CDH12: variants seen among roughly 807,000 people sequenced by gnomAD.
CDH12 encodes cadherin 12.
CDH12 carries 41 observed loss-of-function variants against 74.1 expected under a neutral mutation model. That is an observed-to-expected ratio of 0.55 (90% confidence interval 0.43 to 0.72). The LOEUF (loss-of-function observed/expected upper bound fraction) is 0.72, where lower values mean the gene tolerates loss of function less well. CDH12 is among the 30% of genes least tolerant of loss of function. The probability of loss-of-function intolerance (pLI) is 0.00; values close to 1 mark genes in which losing one functional copy is unlikely to be tolerated. For missense variants in CDH12, 945 were observed against 977.2 expected (o/e 0.97, Z 0.44); for synonymous variants, 399 against 355.0 (o/e 1.12, Z -1.39).
chr5:21,958,104 TC>T (rs1317596965), intron 6 of CDH12, among the ~76,000 whole-genome samples: 1 of 152,176 alleles, frequency 6.6e-6, no homozygotes, highest in African/African-American at 2.4e-5. Flanking sequence ...GAGGGGCTCT[TC>T]CCAGCTTTGC....
chr5:22,445,566 C>G (rs1013392966), intron 2 of CDH12, among the ~76,000 whole-genome samples: 4 of 152,082 alleles, frequency 2.6e-5, no homozygotes, highest in Non-Finnish European at 5.9e-5. Flanking sequence ...AAATAATATA[C>G]CTAGTCCTGT....
At chr5:22,272,653 A>T (rs971343535) in intron 3 of CDH12, among the ~76,000 whole-genome samples, 13 of 152,104 alleles carry the variant, frequency 8.5e-5, no homozygotes, top group Non-Finnish European at 1.8e-4. Flanking sequence ...AGGGTTATTA[A>T]TTGGCCTCAT....
At chr5:22,507,290 A>T (rs1310622020) in intron 1 of CDH12, among the ~76,000 whole-genome samples, 1 of 152,130 alleles carries the variant, frequency 6.6e-6, no homozygotes, top group African/African-American at 2.4e-5. Flanking sequence ...ATGTTTTCAT[A>T]TAATTCATTT....
chr5:21,949,688 A>C (rs1196773914), intron 6 of CDH12, among the ~76,000 whole-genome samples: 1 of 152,176 alleles, frequency 6.6e-6, no homozygotes, highest in African/African-American at 2.4e-5. Context: ...TAACAACAAC[A>C]ACAAAAAAAT....
rs138534211 is a variant in CDH12 at position 22,056,623 on chromosome 5, A to G, written c.231+21823T>C. Among the ~76,000 whole-genome samples, 594 of 152,298 alleles carry G rather than the reference A, an allele frequency of 3.9e-3. 5 individuals carry two copies. Among genetic ancestry groups the G allele is most frequent in the Non-Finnish European group, 6.3e-3 (426 of 68,022 alleles). ...AACGTGCAGTCTGGTAAATCTAGAG[A>G]TCTTTCTGTGAAGCGCAAATCCCTA... On this transcript the variant is annotated intron_variant, in intron 5 of 14. Coordinates refer to ENST00000382254, the MANE Select transcript of CDH12 (RefSeq NM_004061.5).
At chr5:22,761,326 A>G (rs932853264) in intron 1 of CDH12, among the ~76,000 whole-genome samples, 3 of 152,152 alleles carry the variant, frequency 2.0e-5, no homozygotes, top group Non-Finnish European at 4.4e-5. Context: ...ATTTCTTTTA[A>G]ATCTTTATGA....
At chr5:22,706,032 T>C (rs1742990181) in intron 1 of CDH12, among the ~76,000 whole-genome samples, 2 of 152,092 alleles carry the variant, frequency 1.3e-5, no homozygotes, top group Non-Finnish European at 2.9e-5. Context: ...TGGAGAGGTT[T>C]CAGAGAGTGA....
At chr5:22,571,389 T>C (rs967934291) in intron 1 of CDH12, among the ~76,000 whole-genome samples, 8 of 152,106 alleles carry the variant, frequency 5.3e-5, no homozygotes, top group African/African-American at 1.9e-4. Flanking sequence ...CGCAAAGGTG[T>C]GATCTTGGCT....
intron 8 of CDH12, among the ~76,000 whole-genome samples, chr5:21,838,878 T>C (rs1749685630): frequency 6.6e-6 from 1 of 152,196 alleles, no homozygotes; most frequent in African/African-American, 2.4e-5. Context: ...CCAGCCTTCA[T>C]CCATACCCAC....
chr5:21,996,105 GTTTTTTTTTTTTTTT>G (rs61516659), intron 5 of CDH12, among the ~76,000 whole-genome samples: 39,001 of 113,788 alleles, frequency 0.34, 8,302 homozygotes, highest in African/African-American at 0.63. Flanking sequence ...TCACACACAC[GTTTTTTTTTTTTTTT>G]TTTTTTTTTT....
chr5:21,881,436 A>G (rs527906848), intron 6 of CDH12, among the ~76,000 whole-genome samples: 6 of 152,308 alleles, frequency 3.9e-5, no homozygotes, highest in Admixed American at 6.5e-5. Flanking sequence ...CTTTTAGTTA[A>G]GTGGTGGAGC....
At chr5:22,813,963 T>C (rs1225724618) in intron 1 of CDH12, among the ~76,000 whole-genome samples, 1 of 152,158 alleles carries the variant, frequency 6.6e-6, no homozygotes, top group Admixed American at 6.5e-5. Context: ...TTTTTTAACA[T>C]GCTAAGTCCA....
chr5:22,081,153 T>A (rs370864691), intron 4 of CDH12, among the ~76,000 whole-genome samples: 2 of 152,138 alleles, frequency 1.3e-5, no homozygotes, highest in East Asian at 3.9e-4. Context: ...TTTGAATTAT[T>A]TTCAATTGGA....
chr5:22,414,659 T>C (rs1197445845), intron 2 of CDH12, among the ~76,000 whole-genome samples: 1 of 151,890 alleles, frequency 6.6e-6, no homozygotes, highest in Non-Finnish European at 1.5e-5. Context: ...ACCTTTGCTA[T>C]GGTAATTTTA....
chr5:21,769,299 G>GA, intron 11 of CDH12, among the ~76,000 whole-genome samples: 1 of 152,084 alleles, frequency 6.6e-6, no homozygotes, highest in African/African-American at 2.4e-5. Flanking sequence ...TATCCAGATG[G>GA]AAAGAAAGAA....
At chr5:22,089,156 A>C (rs778455997) in intron 4 of CDH12, among the ~76,000 whole-genome samples, 34 of 152,218 alleles carry the variant, frequency 2.2e-4, no homozygotes, top group Non-Finnish European at 4.4e-4. Context: ...GCAGAGGCTG[A>C]AAACTGTGGG....
intron 6 of CDH12, among the ~76,000 whole-genome samples, chr5:21,939,491 T>G (rs947856826): frequency 7.9e-5 from 12 of 151,972 alleles, no homozygotes; most frequent in Non-Finnish European, 1.3e-4. Flanking sequence ...TTTCTTTTAT[T>G]TAAAAAATAC....
At chr5:21,822,086 C>T (rs538543746) in intron 8 of CDH12, among the ~76,000 whole-genome samples, 4 of 151,938 alleles carry the variant, frequency 2.6e-5, no homozygotes, top group East Asian at 1.9e-4. Context: ...TTTTCCTGAT[C>T]GTTTAAAATA....
intron 1 of CDH12, among the ~76,000 whole-genome samples, chr5:22,549,785 G>A (rs2126731765): frequency 6.6e-6 from 1 of 152,208 alleles, no homozygotes; most frequent in Middle Eastern, 3.4e-3. Context: ...AGTATTGATC[G>A]ACAATCTCCA....
Sources: allele counts gnomAD v4.1 joint callset (sites outside exome capture counted in the v4.1 genomes callset), GRCh38; gene constraint gnomAD v4.1.1; transcripts MANE v1.5; gene names NCBI Gene and HGNC (gene_info 2026-07-23, HGNC 2026-07-21).